The following ITPR2 variants were observed in gnomAD, a reference collection of about 807,000 sequenced individuals.
ITPR2 encodes inositol 1,4,5-trisphosphate receptor type 2.
Under a neutral mutation model 317.1 loss-of-function variants are expected in ITPR2, and 207 were observed. The observed-to-expected ratio is 0.65, with a 90% CI of 0.58 to 0.73. The LOEUF is 0.73. Among genes scored for constraint, ITPR2 ranks in the 30% least tolerant of loss-of-function variants. ITPR2 has a pLI of 0.00. For missense variants in ITPR2, 2,613 were observed against 3,284.0 expected (o/e 0.80, Z 4.99); for synonymous variants, 1,156 against 1,149.1 (o/e 1.01, Z -0.12).
At chr12:26,722,707 C>T (rs1234241015) in intron 4 of ITPR2, 152 bp from the exon 5 acceptor site, 1 of 526,920 alleles carries the variant, frequency 1.9e-6, no homozygotes, top group Non-Finnish European at 3.2e-6. Context: ...CACTCACCAT[C>T]TTTCCTACTT....
intron 2 of ITPR2, among the ~76,000 whole-genome samples, chr12:26,775,959 T>TATA (rs1263788006): frequency 6.9e-6 from 1 of 145,086 alleles, no homozygotes; most frequent in Non-Finnish European, 1.5e-5. Flanking sequence ...TATATGTATA[T>TATA]CCTATTAGTT....
At chr12:26,609,705 T>C (rs573809744) in intron 26 of ITPR2, among the ~76,000 whole-genome samples, 5 of 152,212 alleles carry the variant, frequency 3.3e-5, no homozygotes, top group South Asian at 4.2e-4. Context: ...TCAATTTAAA[T>C]GTGGTTAGAA....
At chr12:26,440,955 GT>G (rs1941474996) in intron 46 of ITPR2, among the ~76,000 whole-genome samples, 1 of 152,062 alleles carries the variant, frequency 6.6e-6, no homozygotes, top group Admixed American at 6.6e-5. Flanking sequence ...TTTTCAATAC[GT>G]TTATTCAACA....
intron 55 of ITPR2, among the ~76,000 whole-genome samples, chr12:26,372,927 T>C (rs950218163): frequency 2.0e-5 from 3 of 152,204 alleles, no homozygotes; most frequent in Non-Finnish European, 2.9e-5. Flanking sequence ...CACCATTTAA[T>C]TTTCTCTTAG....
intron 2 of ITPR2, among the ~76,000 whole-genome samples, chr12:26,743,784 G>A (rs546271424): frequency 6.6e-6 from 1 of 152,118 alleles, no homozygotes; most frequent in Non-Finnish European, 1.5e-5. Context: ...CCAGCTACTC[G>A]GGAGGCTGAG....
chr12:26,472,248 C>T (rs1215981309), intron 45 of ITPR2, among the ~76,000 whole-genome samples: 2 of 152,198 alleles, frequency 1.3e-5, no homozygotes, highest in Admixed American at 6.5e-5. Flanking sequence ...TTCTTCCATA[C>T]CTATGCCCTC....
intron 28 of ITPR2, among the ~76,000 whole-genome samples, chr12:26,600,780 A>C (rs1487299923): frequency 6.7e-6 from 1 of 150,176 alleles, no homozygotes; most frequent in Non-Finnish European, 1.5e-5. Context: ...TTTCCTCTCT[A>C]TTCAAACTTC....
intron 11 of ITPR2, among the ~76,000 whole-genome samples, chr12:26,683,838 T>G: frequency 6.6e-6 from 1 of 152,364 alleles, no homozygotes; most frequent in East Asian, 1.9e-4. Flanking sequence ...TTGTTATTTC[T>G]TTAACAAATA....
At chr12:26,768,569 TATAAAAAAAAA>T (rs1949777030) in intron 2 of ITPR2, among the ~76,000 whole-genome samples, 1 of 14,596 alleles carries the variant, frequency 6.9e-5, no homozygotes, top group Non-Finnish European at 1.8e-4. Flanking sequence ...TACAAATATA[TATAAAAAAAAA>T]AAAAAAAAAA....
intron 45 of ITPR2, among the ~76,000 whole-genome samples, chr12:26,446,114 T>C (rs541269102): frequency 6.6e-6 from 1 of 152,160 alleles, no homozygotes; most frequent in South Asian, 2.1e-4. Flanking sequence ...AGTAGGAAGC[T>C]GATAATGAGG....
intron 55 of ITPR2, among the ~76,000 whole-genome samples, chr12:26,371,443 A>G (rs1168084509): frequency 1.3e-5 from 2 of 152,240 alleles, no homozygotes; most frequent in African/African-American, 4.8e-5. Context: ...AGTCCAGTTC[A>G]CAAGGAAACA....
intron 4 of ITPR2, 28 bp downstream of exon 4, chr12:26,724,628 C>T: frequency 7.2e-7 from 1 of 1,385,652 alleles, no homozygotes; most frequent in Non-Finnish European, 1.0e-6. Flanking sequence ...ACATAAAATA[C>T]TCACCTCGTT....
In ITPR2 at chr12:26,602,294, T is replaced by G. The variant is rs1714426812; in HGVS notation, c.3678+76A>C. 1.5e-5 allele frequency: 22 copies of G among 1,499,544 alleles called. No homozygotes were observed. The South Asian group carries it at 2.7e-4, about 18-fold the overall frequency. 92.9% of individuals were successfully genotyped at this position (1,499,544 alleles called of 1,614,324 possible). On this transcript the variant is annotated intron_variant, in intron 28 of 56. Transcript: ENST00000381340. The stretch of plus-strand genomic sequence containing the variant: ...TCTAAAATAATTAAGAAAGAAAAAA[T>G]TTCTTGGAACTTTGCAAAACATTTG...
chr12:26,602,431 A>C lies in ITPR2; in HGVS notation c.3617T>G (p.Leu1206Ter). The change falls in exon 28 of 57, where the codon TTA becomes TGA. Residue 1206 changes from leucine to a stop codon, truncating the protein, a stop_gained. Transcript: ENST00000381340. LOFTEE classifies it high-confidence loss of function. ...CGAATGCGCCCCCATATTTTTCAGTAATCGTTGATGTTGATTCCGACACTT... is the reference window on the plus strand; with the variant it reads ...CGAATGCGCCCCCATATTTTTCAGTCATCGTTGATGTTGATTCCGACACTT... Reference protein sequence around the residue: ...NKKCRNQHQRLLKNMGAHSVV... With the variant: ...NKKCRNQHQR 6.2e-7 allele frequency: 1 copy of C among 1,613,850 alleles called. No homozygotes were observed. Among genetic ancestry groups the C allele is most frequent in the Non-Finnish European group, 8.5e-7 (1 of 1,179,776 alleles).
At chr12:26,632,186 A>G (rs1946769962) in intron 21 of ITPR2, 127 bp from the exon 22 acceptor site, 5 of 551,866 alleles carry the variant, frequency 9.1e-6, no homozygotes, top group Non-Finnish European at 1.2e-5. Flanking sequence ...ACAGAATAGC[A>G]TAAGCATTGT....
chr12:26,607,880 A>G (rs552074139), intron 26 of ITPR2, among the ~76,000 whole-genome samples: 15 of 152,272 alleles, frequency 9.9e-5, no homozygotes, highest in African/African-American at 3.4e-4. Flanking sequence ...GGAGATCGAG[A>G]CCATCCTGGC....
At chr12:26,355,779 T>A (rs1167034388) in intron 55 of ITPR2, among the ~76,000 whole-genome samples, 2 of 152,182 alleles carry the variant, frequency 1.3e-5, no homozygotes, top group African/African-American at 2.4e-5. Flanking sequence ...CTCTGAGCTT[T>A]CCAAAAATCC....
chr12:26,649,790 T>TAGAC (rs1947200332), intron 21 of ITPR2, among the ~76,000 whole-genome samples: 1 of 142,700 alleles, frequency 7.0e-6, no homozygotes, highest in African/African-American at 2.6e-5. Context: ...GATAGATAGA[T>TAGAC]AGATAGATAG....
At chr12:26,438,228 T>A (rs1383549495) in intron 47 of ITPR2, among the ~76,000 whole-genome samples, 3 of 152,214 alleles carry the variant, frequency 2.0e-5, no homozygotes, top group African/African-American at 4.8e-5. Context: ...TAATTTTGAT[T>A]TTTTTAAAAG....
Sources: allele counts gnomAD v4.1 joint callset (sites outside exome capture counted in the v4.1 genomes callset), GRCh38; gene constraint gnomAD v4.1.1; transcripts MANE v1.5; gene names NCBI Gene and HGNC (gene_info 2026-07-23, HGNC 2026-07-21).